The following ABCA8 variants were observed in gnomAD, a reference collection of about 807,000 sequenced individuals.
ABCA8 encodes ABC-type organic anion transporter ABCA8.
In ABCA8, 177 loss-of-function variants were observed where a neutral mutation model predicts 192.3. The observed-to-expected ratio is 0.92, with a 90% CI of 0.81 to 1.04. The LOEUF (loss-of-function observed/expected upper bound fraction) is 1.04, where lower values mean the gene tolerates loss of function less well. ABCA8 is among the 50% of genes least tolerant of loss of function. The pLI is 0.00. For missense variants in ABCA8, 1,915 were observed against 1,904.8 expected, an observed-to-expected ratio of 1.01 and a Z score of -0.10; for synonymous variants, 642 against 690.2, an observed-to-expected ratio of 0.93 and a Z score of 1.09.
chr17:68,883,889 A>C lies in ABCA8; in HGVS notation c.3616-7T>G. The C allele has an allele frequency of 6.8e-7, 1 of 1,469,460 alleles. No individual in the cohort carries two copies. The highest frequency in any genetic ancestry group is 1.2e-5 in the South Asian group (1 of 81,898). The allele number at this position is 1,469,460 out of a possible 1,614,324, so 91.0% of individuals were successfully genotyped here. On this transcript the variant is annotated splice_polypyrimidine_tract_variant and splice_region_variant and intron_variant, in intron 28 of 39. Transcript: ENST00000586539. Reference sequence around the variant, plus strand: ...TGATAAAATGAAGGAAAGGCTAGGAATAAAGAGAGATGCACAATTAGAAAC... The same window carrying C: ...TGATAAAATGAAGGAAAGGCTAGGACTAAAGAGAGATGCACAATTAGAAAC...
intron 3 of ABCA8, among the ~76,000 whole-genome samples, chr17:68,941,363 A>G (rs987451485): frequency 6.6e-6 from 1 of 152,166 alleles, no homozygotes; most frequent in Admixed American, 6.5e-5. Context: ...CGATGTATGT[A>G]TAGTGGAATT....
intron 21 of ABCA8, among the ~76,000 whole-genome samples, chr17:68,901,270 T>TGTCTAGAA (rs1204384264): frequency 1.4e-5 from 2 of 138,750 alleles, no homozygotes; most frequent in South Asian, 5.3e-4. Flanking sequence ...AAAAGAATTT[T>TGTCTAGAA]TATCATAACA....
At chr17:68,876,598 T>C (rs201610427) in intron 34 of ABCA8, 30 bp downstream of exon 34, 1 of 1,614,156 alleles carries the variant, frequency 6.2e-7, no homozygotes, top group East Asian at 2.2e-5. Context: ...TCTATGGCAC[T>C]TGCAGAGCAA....
chr17:68,875,114 G>T lies in ABCA8; in HGVS notation c.4631+146C>A. 3.5e-6 allele frequency: 4 copies of T among 1,147,646 alleles called. No individual in the cohort carries two copies. The South Asian group carries it at 6.5e-5, about 19-fold the overall frequency. The allele number at this position is 1,147,646 out of a possible 1,614,324, so 71.1% of individuals were successfully genotyped here. A position where few individuals can be genotyped will look rare whatever the true frequency, so the allele number is the denominator to read the frequency against. ...ATTTGCTATATCAGCTCTTACGTCT[G>T]CTTTCTCTTCTCTAGTTTACTTCCT... On this transcript the variant is annotated intron_variant, in intron 37 of 39. Coordinates refer to ENST00000586539, the MANE Select transcript of ABCA8 (RefSeq NM_001288985.2).
chr17:68,884,489 A>C, intron 27 of ABCA8, 93 bp from the exon 28 acceptor site: 1 of 1,413,960 alleles, frequency 7.1e-7, no homozygotes, highest in East Asian at 2.7e-5. Context: ...AGCCCTGCTA[A>C]CATTTGACCA....
intron 13 of ABCA8, among the ~76,000 whole-genome samples, chr17:68,921,172 G>A (rs928138404): frequency 6.6e-6 from 1 of 152,118 alleles, no homozygotes; most frequent in Non-Finnish European, 1.5e-5. Flanking sequence ...GACACAGGAA[G>A]GGGAACATCA....
intron 14 of ABCA8, 86 bp from the exon 15 acceptor site, chr17:68,918,632 G>A (rs141983178): frequency 2.3e-6 from 3 of 1,332,806 alleles, no homozygotes; most frequent in African/African-American, 3.0e-5. Context: ...AAGTGTAAAT[G>A]GTTAAAAGCA....
chr17:68,915,038 G>T (rs887718607), intron 17 of ABCA8, among the ~76,000 whole-genome samples: 1 of 152,114 alleles, frequency 6.6e-6, no homozygotes, highest in African/African-American at 2.4e-5. Flanking sequence ...ATACATTGGG[G>T]AAAGTCTCTT....
At chr17:68,920,741 C>T (rs543762562) in intron 13 of ABCA8, among the ~76,000 whole-genome samples, 87 of 152,102 alleles carry the variant, frequency 5.7e-4, no homozygotes, top group Non-Finnish European at 1.1e-3. Flanking sequence ...AACACTTTTA[C>T]ACTGTTGGTG....
In ABCA8 at chr17:68,884,225, T is replaced by C; in HGVS notation, c.3615+106A>G. On this transcript the variant is annotated intron_variant, in intron 28 of 39. Transcript: ENST00000586539. ...GCATTATATCTCCTTGGGCTATAGA[T>C]ACCTGTATCTCTAACTTAATAAAAG... 8 of 1,042,030 alleles carry C rather than the reference T, an allele frequency of 7.7e-6. 1 individual carries two copies. The South Asian group carries it at 1.1e-4, about 14-fold the overall frequency. 64.5% of individuals were successfully genotyped at this position (1,042,030 alleles called of 1,614,324 possible). A position where few individuals can be genotyped will look rare whatever the true frequency, so the allele number is the denominator to read the frequency against.
At chr17:68,929,378 C>T (rs1013519103) in intron 8 of ABCA8, 144 bp from the exon 9 acceptor site, 3 of 1,053,726 alleles carry the variant, frequency 2.8e-6, no homozygotes, top group African/African-American at 3.2e-5. Flanking sequence ...CAAAACTATG[C>T]TCTGCAAATT....
At chr17:68,898,372 TA>T (rs1182200508) in intron 21 of ABCA8, among the ~76,000 whole-genome samples, 1 of 151,874 alleles carries the variant, frequency 6.6e-6, no homozygotes, top group Non-Finnish European at 1.5e-5. Context: ...ATAAAAATAA[TA>T]AAGAATAAAA....
In ABCA8 at chr17:68,887,482, T is replaced by C. The variant is rs377337813; in HGVS notation, c.3169A>G (p.Ile1057Val). Residue 1057 changes from isoleucine (I) to valine (V), a missense_variant, in exon 25 of 40, where the codon ATT becomes GTT. By Grantham distance (29) the Ile-to-Val change is conservative. Transcript: ENST00000586539. ...TAAGCAGAAGGGGAGAGTCCGGAAA[T>C]CCGTAGCTGGGACCGAGCTCTGTTC... ...YKNRARSQLR[I>V]SGLSPSAYWF... 3.1e-6 allele frequency: 5 copies of C among 1,611,608 alleles called. No homozygotes were observed. Among genetic ancestry groups the C allele is most frequent in the Middle Eastern group, 1.6e-4 (1 of 6,066 alleles).
At chr17:68,944,573 C>T (rs1260352704) in intron 2 of ABCA8, 1 of 151,560 alleles carries the variant, frequency 6.6e-6, no homozygotes, top group East Asian at 1.9e-4. Context: ...GAGGGGCAAT[C>T]TGTAAACCAC....
chr17:68,902,844 A>G lies in ABCA8; in HGVS notation c.2633T>C (p.Leu878Pro), dbSNP rs1411197558. The change falls in exon 21 of 40, where the codon CTT becomes CCT. Residue 878 changes from leucine to proline, a missense_variant. Transcript: ENST00000586539. Reference sequence around the variant, plus strand: ...TATTTTCACCATGGTATACTCCACAAGAAGAGGGCAAAATCCAGCCATTAG... The same window carrying G: ...TATTTTCACCATGGTATACTCCACAGGAAGAGGGCAAAATCCAGCCATTAG... ...LILMAGFCPL[L>P]VEYTMVKIYQ... The G allele has an allele frequency of 6.2e-7, 1 of 1,613,368 alleles. No individual in the cohort carries two copies.
Position 68,883,734 on chromosome 17 carries a change from GA to G in ABCA8, c.3707+56del, listed in dbSNP as rs2066391590. The G allele has an allele frequency of 2.4e-5, 29 of 1,190,816 alleles. 1 individual carries two copies. In the South Asian group the frequency reaches 4.2e-4, roughly 17 times the overall value. 73.8% of individuals were successfully genotyped at this position (1,190,816 alleles called of 1,614,324 possible). On this transcript the variant is annotated intron_variant, in intron 29 of 39. Coordinates refer to ENST00000586539, the MANE Select transcript of ABCA8 (RefSeq NM_001288985.2). ...TTTGTTAATGAATTGATTTATGCAT[GA>G]AAAATATTTTACGATATTGATCAAC... is the stretch of plus-strand genomic sequence containing the variant.
intron 10 of ABCA8, among the ~76,000 whole-genome samples, chr17:68,927,005 C>A (rs2067719359): frequency 6.6e-6 from 1 of 152,182 alleles, no homozygotes. Flanking sequence ...CCTGTAATCC[C>A]AGCACTTTGG....
intron 8 of ABCA8, 119 bp downstream of exon 8, chr17:68,929,442 G>T: frequency 7.9e-7 from 1 of 1,272,714 alleles, no homozygotes. Context: ...CCTGTTTATA[G>T]ATTTTTCACA....
intron 10 of ABCA8, 151 bp from the exon 11 acceptor site, chr17:68,925,020 C>A: frequency 1.6e-6 from 1 of 620,038 alleles, no homozygotes; most frequent in Non-Finnish European, 2.6e-6. Flanking sequence ...CATGTAGCTT[C>A]ATAAGGAAAA....
Sources: allele counts gnomAD v4.1 joint callset (sites outside exome capture counted in the v4.1 genomes callset), GRCh38; gene constraint gnomAD v4.1.1; transcripts MANE v1.5; gene names NCBI Gene and HGNC (gene_info 2026-07-23, HGNC 2026-07-21).